SPAG6: variants seen among roughly 807,000 people sequenced by gnomAD.
SPAG6 encodes the protein sperm associated antigen 6.
Under a neutral mutation model 58.5 loss-of-function variants are expected in SPAG6, and 49 were observed. The observed-to-expected ratio is 0.84, with a 90% CI of 0.67 to 1.06. The LOEUF (loss-of-function observed/expected upper bound fraction) is 1.06. SPAG6 is among the 50% of genes least tolerant of loss of function. The probability of loss-of-function intolerance (pLI) is 0.00; values close to 1 mark genes in which losing one functional copy is unlikely to be tolerated. For missense variants in SPAG6, 560 were observed against 611.3 expected, an observed-to-expected ratio of 0.92 and a Z score of 0.89; for synonymous variants, 233 against 225.6, an observed-to-expected ratio of 1.03 and a Z score of -0.29.
At chr10:22,410,553 G>A (rs1187598570) in intron 9 of SPAG6, among the ~76,000 whole-genome samples, 1 of 151,904 alleles carries the variant, frequency 6.6e-6, no homozygotes, top group Admixed American at 6.6e-5. Context: ...GAGGTTTGTG[G>A]AGTGTGGAAA....
chr10:22,408,811 G>C (rs986447801), intron 9 of SPAG6, among the ~76,000 whole-genome samples: 1 of 152,224 alleles, frequency 6.6e-6, no homozygotes, highest in Non-Finnish European at 1.5e-5. Context: ...AGGACCCTCC[G>C]AGCCATGTGT....
rs761679699 is a variant in SPAG6 at position 22,368,593 on chromosome 10, G to T, written c.387G>T (p.Thr129=). ...TAGTCGATTGTGGAGCACTGGATACGCTGGTCATATGCTTGGAAGATTTTG... is the reference window on the plus strand; with the variant it reads ...TAGTCGATTGTGGAGCACTGGATACTCTGGTCATATGCTTGGAAGATTTTG... ...QAIVDCGALD[T]LVICLEDFDP... Residue 129 remains threonine (T), a synonymous_variant, in exon 4 of 11, where the codon ACG becomes ACT. Coordinates refer to ENST00000376624, the MANE Select transcript of SPAG6 (RefSeq NM_012443.4). 2 of 1,613,914 alleles carry T rather than the reference G, an allele frequency of 1.2e-6. No individual in the cohort carries two copies. The highest frequency in any genetic ancestry group is 1.1e-5 in the South Asian group (1 of 91,072).
chr10:22,415,009 A>G (rs896164822), intron 10 of SPAG6, among the ~76,000 whole-genome samples: 1 of 151,834 alleles, frequency 6.6e-6, no homozygotes, highest in Non-Finnish European at 1.5e-5. Flanking sequence ...CAGGTGTTCC[A>G]CCCTCCTCAG....
chr10:22,416,785 T>G lies in SPAG6; in HGVS notation c.*97T>G. On this transcript the variant is annotated 3_prime_UTR_variant, in exon 11 of 11. Coordinates refer to ENST00000376624, the MANE Select transcript of SPAG6 (RefSeq NM_012443.4). ...TATTTGAACTAAGTATATTCTAGAT[T>G]TATTTAATGGGAAATACCTTTAGAT... is the stretch of plus-strand genomic sequence containing the variant. 1 of 676,402 alleles carries G rather than the reference T, an allele frequency of 1.5e-6. No homozygotes were observed. The highest frequency in any genetic ancestry group is 2.7e-6 in the Non-Finnish European group (1 of 376,544). The allele number at this position is 676,402 out of a possible 1,614,324, so 41.9% of individuals were successfully genotyped here. A position where few individuals can be genotyped will look rare whatever the true frequency, so the allele number is the denominator to read the frequency against.
chr10:22,350,939 C>A (rs913250435), intron 2 of SPAG6, among the ~76,000 whole-genome samples: 4 of 152,210 alleles, frequency 2.6e-5, no homozygotes, highest in African/African-American at 9.6e-5. Context: ...GTTCTCTTCA[C>A]AAAGTGAGTT....
At chr10:22,411,368 A>G (rs1418402722) in intron 10 of SPAG6, 192 bp downstream of exon 10, 3 of 462,562 alleles carry the variant, frequency 6.5e-6, no homozygotes, top group Non-Finnish European at 1.1e-5. Flanking sequence ...GCACATTTCC[A>G]ATTCAAACTG....
intron 4 of SPAG6, among the ~76,000 whole-genome samples, chr10:22,382,542 A>G (rs776918853): frequency 2.0e-5 from 3 of 152,166 alleles, no homozygotes; most frequent in Non-Finnish European, 4.4e-5. Flanking sequence ...TATTTCTAGT[A>G]TATATTATTA....
intron 4 of SPAG6, among the ~76,000 whole-genome samples, chr10:22,383,669 AAAG>A (rs1834007036): frequency 6.6e-6 from 1 of 151,988 alleles, no homozygotes; most frequent in South Asian, 2.1e-4. Context: ...ATACAGAAAG[AAAG>A]AAGAAAAGAG....
chr10:22,346,733 G>A (rs1381906916), intron 2 of SPAG6, among the ~76,000 whole-genome samples: 1 of 152,044 alleles, frequency 6.6e-6, no homozygotes, highest in African/African-American at 2.4e-5. Context: ...TCTTTGAGGG[G>A]AATTACTACT....
At chr10:22,396,427 C>T (rs1381027265) in intron 8 of SPAG6, among the ~76,000 whole-genome samples, 1 of 152,126 alleles carries the variant, frequency 6.6e-6, no homozygotes, top group African/African-American at 2.4e-5. Flanking sequence ...TGAGGCCTCC[C>T]CAGCCATGTG....
At position 22,404,635 on chromosome 10, in the gene SPAG6, A is replaced by C. The variant is rs1288451718; in HGVS notation, c.1314+3358A>C. Among the ~76,000 whole-genome samples the C allele has an allele frequency of 3.1e-5, 4 of 130,278 alleles. No homozygotes were observed. In the East Asian group the frequency reaches 6.3e-4, roughly 21 times the overall value. 85.5% of individuals were successfully genotyped at this position (130,278 alleles called of 152,430 possible). A position where few individuals can be genotyped will look rare whatever the true frequency, so the allele number is the denominator to read the frequency against. ...GCAATGCGGGCTCTTTTTTGGTTCC[A>C]TATGAACTTTAAAGTAGTTTTTTCC... On this transcript the variant is annotated intron_variant, in intron 9 of 10. Transcript: ENST00000376624.
rs59765652 is a variant in SPAG6 at position 22,413,688 on chromosome 10, GATAT to G, written c.1460+2529_1460+2532del. The stretch of plus-strand genomic sequence containing the variant: ...ACCTGACTAATGTTTTCAAATTTCT[GATAT>G]ATATATATATATATATTTCACCCAC... On this transcript the variant is annotated intron_variant, in intron 10 of 10. Transcript: ENST00000376624. Among the ~76,000 whole-genome samples the G allele has an allele frequency of 2.5e-4, 36 of 141,608 alleles. 3 individuals carry two copies. Among genetic ancestry groups the G allele is most frequent in the African/African-American group, 8.5e-4 (30 of 35,288 alleles). 92.9% of individuals were successfully genotyped at this position (141,608 alleles called of 152,430 possible). A position where few individuals can be genotyped will look rare whatever the true frequency, so the allele number is the denominator to read the frequency against.
intron 10 of SPAG6, chr10:22,412,555 A>G: frequency 1.8e-6 from 2 of 1,083,752 alleles, no homozygotes; most frequent in East Asian, 2.6e-5. Context: ...TATATGATAC[A>G]TCAAAGCAGT....
intron 9 of SPAG6, among the ~76,000 whole-genome samples, chr10:22,410,703 C>G (rs1834710487): frequency 6.6e-6 from 1 of 152,116 alleles, no homozygotes; most frequent in Admixed American, 6.5e-5. Flanking sequence ...CCAGAGGACC[C>G]TTTGTGCCTT....
At chr10:22,350,533 A>G (rs972964772) in intron 2 of SPAG6, among the ~76,000 whole-genome samples, 9 of 152,172 alleles carry the variant, frequency 5.9e-5, no homozygotes, top group African/African-American at 2.2e-4. Context: ...AAGTTTTGAT[A>G]TTTTCAAAAG....
intron 10 of SPAG6, chr10:22,413,113 T>A (rs2130650829): frequency 7.3e-6 from 1 of 137,766 alleles, no homozygotes; most frequent in Non-Finnish European, 1.5e-5. Context: ...CCAGAATGAA[T>A]GACCTATTAG....
At chr10:22,400,830 T>C (rs770716277) in intron 8 of SPAG6, among the ~76,000 whole-genome samples, 11 of 152,202 alleles carry the variant, frequency 7.2e-5, no homozygotes, top group Non-Finnish European at 1.3e-4. Context: ...CTCAGTTTCC[T>C]GTATACAAAT....
chr10:22,363,829 G>T (rs915032518), intron 2 of SPAG6, among the ~76,000 whole-genome samples: 3 of 152,164 alleles, frequency 2.0e-5, no homozygotes, highest in Non-Finnish European at 4.4e-5. Flanking sequence ...TTAAAGAAAA[G>T]ATTTAATGAT....
At chr10:22,406,135 C>T (rs1272171888) in intron 9 of SPAG6, among the ~76,000 whole-genome samples, 1 of 152,100 alleles carries the variant, frequency 6.6e-6, no homozygotes, top group Non-Finnish European at 1.5e-5. Flanking sequence ...GTCTCTATTT[C>T]CTTCAGTTCT....
Sources: gnomAD v4.1 joint callset for allele counts (sites outside exome capture counted in the v4.1 genomes callset) on GRCh38, gnomAD v4.1.1 for gene constraint, MANE v1.5 for transcripts, NCBI Gene and HGNC (gene_info 2026-07-23, HGNC 2026-07-21) for gene names.